The following ERCC6L2 variants were observed in gnomAD, a reference collection of about 807,000 sequenced individuals.
The protein encoded by ERCC6L2 is DNA excision repair protein ERCC-6-like 2.
ERCC6L2 carries 77 observed loss-of-function variants against 132.0 expected under a neutral mutation model. That is an observed-to-expected ratio of 0.58 (90% CI 0.49 to 0.71). ERCC6L2 has a LOEUF of 0.71. ERCC6L2 is among the 30% of genes least tolerant of loss of function. The pLI, the probability that ERCC6L2 is intolerant of heterozygous loss-of-function variation, is 0.00. For synonymous variants in ERCC6L2, 583 were observed against 632.4 expected (o/e 0.92, Z 1.17); for missense variants, 1,542 against 1,837.6 (o/e 0.84, Z 2.94).
At chr9:95,912,597 C>T (rs1409983698) in intron 4 of ERCC6L2, among the ~76,000 whole-genome samples, 1 of 152,122 alleles carries the variant, frequency 6.6e-6, no homozygotes, top group Non-Finnish European at 1.5e-5. Flanking sequence ...ATCATTGTCA[C>T]ACACAAGAAT....
chr9:95,947,929 C>T (rs1000860775), intron 12 of ERCC6L2, among the ~76,000 whole-genome samples: 34 of 152,208 alleles, frequency 2.2e-4, no homozygotes, highest in Non-Finnish European at 2.2e-4. Context: ...GACAATGCCC[C>T]TAGTCACCCA....
At chr9:95,891,249 T>C (rs1305993208) in intron 2 of ERCC6L2, among the ~76,000 whole-genome samples, 1 of 152,178 alleles carries the variant, frequency 6.6e-6, no homozygotes, top group Non-Finnish European at 1.5e-5. Flanking sequence ...GAATCATTGA[T>C]ATTTACTGAC....
intron 16 of ERCC6L2, among the ~76,000 whole-genome samples, chr9:95,976,777 TTTTA>T (rs1260013581): frequency 6.6e-6 from 1 of 152,200 alleles, no homozygotes; most frequent in Non-Finnish European, 1.5e-5. Context: ...TGTATGGTGA[TTTTA>T]AGAGTTAGCA....
intron 2 of ERCC6L2, among the ~76,000 whole-genome samples, chr9:95,882,166 A>G (rs1157426975): frequency 6.6e-6 from 1 of 152,206 alleles, no homozygotes; most frequent in Non-Finnish European, 1.5e-5. Flanking sequence ...ATAAAAGGAG[A>G]GCAAGTAGGA....
At chr9:95,907,920 A>G (rs920459003) in intron 4 of ERCC6L2, among the ~76,000 whole-genome samples, 8 of 146,508 alleles carry the variant, frequency 5.5e-5, no homozygotes, top group African/African-American at 1.7e-4. Flanking sequence ...AGGTAACACC[A>G]GTGAGATAAG....
intron 4 of ERCC6L2, 108 bp from the exon 5 acceptor site, chr9:95,915,560 A>C: frequency 8.4e-7 from 1 of 1,194,528 alleles, no homozygotes; most frequent in Non-Finnish European, 1.2e-6. Flanking sequence ...AAGAGTAAAA[A>C]GGAAAAAATA....
intron 13 of ERCC6L2, among the ~76,000 whole-genome samples, chr9:95,964,954 C>G (rs563583395): frequency 4.6e-5 from 7 of 152,242 alleles, no homozygotes; most frequent in African/African-American, 1.7e-4. Flanking sequence ...ATTATAGTTA[C>G]AGGTCCTGCA....
rs1834105822 is a variant in ERCC6L2, at chr9:96,013,509, G to A, written c.*306G>A. ...TATATTACATAATGATGTGACACTT[G>A]CCCCGGTGAGCATTGTTTCCCAGTA... is the stretch of plus-strand genomic sequence containing the variant. On this transcript the variant is annotated 3_prime_UTR_variant, in exon 19 of 19. Coordinates refer to ENST00000653738, the MANE Select transcript of ERCC6L2 (RefSeq NM_020207.7). 1.1e-5 allele frequency: 2 copies of A among 185,594 alleles called. No individual in the cohort carries two copies. Among genetic ancestry groups the A allele is most frequent in the South Asian group, 2.1e-4 (2 of 9,586 alleles). 11.5% of individuals were successfully genotyped at this position (185,594 alleles called of 1,614,324 possible).
chr9:95,961,795 AC>A (rs1389225962), intron 13 of ERCC6L2, among the ~76,000 whole-genome samples: 1 of 152,186 alleles, frequency 6.6e-6, no homozygotes, highest in Non-Finnish European at 1.5e-5. Flanking sequence ...TAATGGACTT[AC>A]AGTTCTGCAT....
At chr9:96,001,900 G>A (rs1042366847) in intron 17 of ERCC6L2, among the ~76,000 whole-genome samples, 37 of 152,362 alleles carry the variant, frequency 2.4e-4, no homozygotes, top group South Asian at 4.1e-4. Context: ...GAAATCGAGC[G>A]TAGCACCAGT....
At chr9:95,926,496 A>G (rs1039713732) in intron 9 of ERCC6L2, among the ~76,000 whole-genome samples, 1 of 152,188 alleles carries the variant, frequency 6.6e-6, no homozygotes, top group Non-Finnish European at 1.5e-5. Context: ...AGAACCTTAG[A>G]TGCATATTGC....
Position 95,879,670 on chromosome 9 carries a change from T to G in ERCC6L2, c.47-1199T>G, listed in dbSNP as rs369028343. On this transcript the variant is annotated intron_variant, in intron 1 of 18. Transcript: ENST00000653738. ...GTTTTTCCCTCTGTACTCATTATTG[T>G]TATGGTAAAATAACCTCATCAAAGT... Among the ~76,000 whole-genome samples, 8 of 152,204 alleles carry G rather than the reference T, an allele frequency of 5.3e-5. No individual in the cohort carries two copies. In the East Asian group the frequency reaches 5.8e-4, roughly 11 times the overall value.
chr9:95,997,415 T>G (rs1833508402), intron 17 of ERCC6L2, among the ~76,000 whole-genome samples: 1 of 152,216 alleles, frequency 6.6e-6, no homozygotes, highest in South Asian at 2.1e-4. Context: ...CTTTAACAGG[T>G]AAGGAATTGC....
intron 2 of ERCC6L2, among the ~76,000 whole-genome samples, chr9:95,893,116 A>C (rs897523267): frequency 4.6e-5 from 7 of 152,172 alleles, no homozygotes; most frequent in Non-Finnish European, 8.8e-5. Flanking sequence ...AACTTCTTGC[A>C]ATGTACCTAA....
intron 14 of ERCC6L2, chr9:95,967,972 T>G (rs1234322609): frequency 6.6e-6 from 1 of 152,212 alleles, no homozygotes; most frequent in Non-Finnish European, 1.5e-5. Flanking sequence ...TTCTGTCATA[T>G]ATGACATAGT....
chr9:95,955,537 T>C (rs1029225752), intron 12 of ERCC6L2, among the ~76,000 whole-genome samples: 2 of 151,696 alleles, frequency 1.3e-5, no homozygotes, highest in African/African-American at 4.9e-5. Flanking sequence ...CTAGTCTGCT[T>C]TCTGGCACTA....
intron 13 of ERCC6L2, among the ~76,000 whole-genome samples, chr9:95,962,892 A>G (rs1831977761): frequency 1.3e-5 from 2 of 152,158 alleles, no homozygotes. Flanking sequence ...GTATGTATAA[A>G]TAGCTTTAAC....
At chr9:95,949,083 A>G (rs80349551) in intron 12 of ERCC6L2, among the ~76,000 whole-genome samples, 19,743 of 152,164 alleles carry the variant, frequency 0.13, 1,355 homozygotes, top group South Asian at 0.24. Flanking sequence ...ACGAAATTCA[A>G]TTTTGGAATT....
chr9:95,923,194 T>C, intron 8 of ERCC6L2, 66 bp from the exon 9 acceptor site: 3 of 1,513,902 alleles, frequency 2.0e-6, no homozygotes, highest in Admixed American at 2.1e-5. Context: ...TCATAAATTA[T>C]TTCAATTTAT....
Sources: gnomAD v4.1 joint callset for allele counts (sites outside exome capture counted in the v4.1 genomes callset) on GRCh38, gnomAD v4.1.1 for gene constraint, MANE v1.5 for transcripts, NCBI Gene and HGNC (gene_info 2026-07-23, HGNC 2026-07-21) for gene names.